The following CSF2RA variants were observed in gnomAD, a reference collection of about 807,000 sequenced individuals.
CSF2RA encodes the protein colony stimulating factor 2 receptor subunit alpha.
A neutral mutation model predicts 51.6 loss-of-function variants in CSF2RA; 42 were observed. The ratio of observed to expected loss-of-function variants is 0.81; its 90% confidence interval spans 0.64 to 1.05. The LOEUF is 1.05. Among genes scored for constraint, CSF2RA ranks in the 50% least tolerant of loss-of-function variants. The probability of loss-of-function intolerance (pLI) is 0.00; values close to 1 mark genes in which losing one functional copy is unlikely to be tolerated. For missense variants in CSF2RA, 530 were observed against 501.1 expected, an observed-to-expected ratio of 1.06 and a Z score of -0.55; for synonymous variants, 222 against 193.0, an observed-to-expected ratio of 1.15 and a Z score of -1.24.
At chrX:1,308,047 C>T (rs1235752180) in intron 12 of CSF2RA, among the ~76,000 whole-genome samples, 2 of 151,582 alleles carry the variant, frequency 1.3e-5, no homozygotes, top group Non-Finnish European at 2.9e-5. Flanking sequence ...CCTCTTCAGA[C>T]CTTCAACTGA....
chrX:1,311,249 C>CAAA (rs752805587), downstream of CSF2RA, among the ~76,000 whole-genome samples: 5 of 140,990 alleles, frequency 3.5e-5, no homozygotes, highest in Non-Finnish European at 7.8e-5. Flanking sequence ...ATTCTGTCTC[C>CAAA]AAAAAAAAAA....
chrX:1,321,516 G>A, the CSF2RA span, among the ~76,000 whole-genome samples: 1 of 151,008 alleles, frequency 6.6e-6, no homozygotes, highest in East Asian at 1.9e-4. Context: ...CAGAGGTTGC[G>A]GTTGGCTGAG....
At chrX:1,313,643 C>T (rs181226645), downstream of CSF2RA, among the ~76,000 whole-genome samples, 2,521 of 150,982 alleles carry the variant, frequency 0.017, 71 homozygotes, top group African/African-American at 0.056. Context: ...ACCCAGGAGG[C>T]GGAGGTTGCA....
intron 2 of CSF2RA, among the ~76,000 whole-genome samples, chrX:1,277,976 CAA>C (rs1329295237): frequency 6.7e-5 from 7 of 105,074 alleles, no homozygotes; most frequent in Admixed American, 1.0e-4. Flanking sequence ...GACTCAGTCT[CAA>C]AAAAAAAAAA....
downstream of CSF2RA, among the ~76,000 whole-genome samples, chrX:1,315,147 C>T (rs1352577158): frequency 3.9e-5 from 6 of 151,974 alleles, no homozygotes; most frequent in Non-Finnish European, 7.4e-5. Context: ...CGGTCACCTG[C>T]GTGAGATCAG....
chrX:1,300,424 C>T (rs2092292122), intron 9 of CSF2RA, 67 bp from the exon 10 acceptor site: 16 of 1,571,946 alleles, frequency 1.0e-5, no homozygotes, highest in South Asian at 3.5e-5. Flanking sequence ...GACAAAAGAA[C>T]GAAAAAAGGC....
chrX:1,279,939 A>C (rs1161410285), intron 2 of CSF2RA, among the ~76,000 whole-genome samples: 1 of 151,492 alleles, frequency 6.6e-6, no homozygotes, highest in African/African-American at 2.4e-5. Flanking sequence ...ACAGGCACCC[A>C]CCACCCCACC....
chrX:1,270,161 A>G (rs1269586966), intron 1 of CSF2RA, among the ~76,000 whole-genome samples: 3 of 152,060 alleles, frequency 2.0e-5, no homozygotes, highest in Non-Finnish European at 4.4e-5. Context: ...GCTCCACTAC[A>G]AGGGTGACTG....
chrX:1,303,325 T>C (rs1302461191), intron 10 of CSF2RA: 3 of 428,856 alleles, frequency 7.0e-6, no homozygotes, highest in South Asian at 7.2e-5. Context: ...AACCTCCGTC[T>C]CCCAGGCTCA....
the CSF2RA span, among the ~76,000 whole-genome samples, chrX:1,319,349 A>G: frequency 0.014 from 2,026 of 149,460 alleles, 73 homozygotes; most frequent in African/African-American, 0.047. Flanking sequence ...GCTGGAGTGC[A>G]CGATCATGGC....
chrX:1,282,668 T>C lies in CSF2RA; in HGVS notation c.-26-10T>C. ...AACCTTCTCACTGTGTGATATTTTC[T>C]CTCCTGCAGCTCTTCCCTTCTCTCT... is the stretch of plus-strand genomic sequence containing the variant. On this transcript the variant is annotated splice_polypyrimidine_tract_variant and intron_variant, in intron 2 of 12. Coordinates refer to ENST00000381529, the MANE Select transcript of CSF2RA (RefSeq NM_172245.4). 1 of 1,582,138 alleles carries C rather than the reference T, an allele frequency of 6.3e-7. No individual in the cohort carries two copies. The highest frequency in any genetic ancestry group is 8.7e-7 in the Non-Finnish European group (1 of 1,150,938).
chrX:1,310,366 TA>T (rs761222011), downstream of CSF2RA: 52,616 of 142,972 alleles, frequency 0.37, 10,128 homozygotes, highest in East Asian at 0.72. Flanking sequence ...CCATCACATT[TA>T]AAAAAAAAAA....
chrX:1,320,131 G>A, the CSF2RA span, among the ~76,000 whole-genome samples: 5 of 151,940 alleles, frequency 3.3e-5, no homozygotes, highest in South Asian at 2.1e-4. Flanking sequence ...TCCTGACCTC[G>A]TCATCCACCT....
intron 12 of CSF2RA, among the ~76,000 whole-genome samples, chrX:1,309,093 GC>G (rs1170675650): frequency 6.6e-6 from 1 of 152,096 alleles, no homozygotes; most frequent in Middle Eastern, 3.2e-3. Flanking sequence ...GCTGGTGGCG[GC>G]TAAAGGGGGA....
intron 2 of CSF2RA, among the ~76,000 whole-genome samples, chrX:1,279,304 G>A (rs1201378635): frequency 1.3e-5 from 2 of 151,770 alleles, no homozygotes; most frequent in Non-Finnish European, 2.9e-5. Flanking sequence ...GAGCCGAGAT[G>A]GCACCACTGC....
At chrX:1,286,714 T>G (rs1180857522) in intron 4 of CSF2RA, among the ~76,000 whole-genome samples, 23 of 152,206 alleles carry the variant, frequency 1.5e-4, no homozygotes, top group African/African-American at 5.5e-4. Flanking sequence ...GTCCACAATG[T>G]GTACCAGAGC....
the CSF2RA span, among the ~76,000 whole-genome samples, chrX:1,315,591 G>C: frequency 6.6e-6 from 1 of 152,038 alleles, no homozygotes; most frequent in Admixed American, 6.6e-5. Context: ...TTTTTGTAGA[G>C]ACAGGATTTC....
rs757168129 is a variant in CSF2RA, at chrX:1,300,703, T to C, written c.946+77T>C. ...CAGCAGGCACAGAGGTCAGGTGCTCTGTCCTGGGCGCTGAGATCGAGTTGA... is the reference window on the plus strand; with the variant it reads ...CAGCAGGCACAGAGGTCAGGTGCTCCGTCCTGGGCGCTGAGATCGAGTTGA... On this transcript the variant is annotated intron_variant, in intron 10 of 12. Transcript: ENST00000381529. 59 of 1,592,604 alleles carry C rather than the reference T, an allele frequency of 3.7e-5. No homozygotes were observed. In the East Asian group the frequency reaches 1.2e-3, roughly 32 times the overall value.
the CSF2RA span, among the ~76,000 whole-genome samples, chrX:1,320,130 C>T: frequency 6.6e-6 from 1 of 151,542 alleles, no homozygotes; most frequent in Non-Finnish European, 1.5e-5. Flanking sequence ...CTCCTGACCT[C>T]GTCATCCACC....
Sources: gnomAD v4.1 joint callset for allele counts (sites outside exome capture counted in the v4.1 genomes callset) on GRCh38, gnomAD v4.1.1 for gene constraint, MANE v1.5 for transcripts, NCBI Gene and HGNC (gene_info 2026-07-23, HGNC 2026-07-21) for gene names.